CEP350: variants seen among roughly 807,000 people sequenced by gnomAD.
The protein encoded by CEP350 is centrosome-associated protein 350.
CEP350 carries 126 observed loss-of-function variants against 331.8 expected under a neutral mutation model. That is an observed-to-expected ratio of 0.38 (90% CI 0.33 to 0.44). The LOEUF (loss-of-function observed/expected upper bound fraction) is 0.44, where lower values mean the gene tolerates loss of function less well. CEP350 is among the 20% of genes least tolerant of loss of function. The probability of loss-of-function intolerance (pLI) is 1.00; values close to 1 mark genes in which losing one functional copy is unlikely to be tolerated. For missense variants in CEP350, 3,406 were observed against 3,634.6 expected (o/e 0.94, Z 1.62); for synonymous variants, 1,200 against 1,259.5 (o/e 0.95, Z 1.00).
chr1:179,991,197 C>G (rs1356464171), intron 4 of CEP350, among the ~76,000 whole-genome samples: 1 of 150,508 alleles, frequency 6.6e-6, no homozygotes, highest in East Asian at 1.9e-4. Context: ...GTATATTTTT[C>G]TTGGGATTTA....
In CEP350 at chr1:179,996,942, C is replaced by T; in HGVS notation, c.785C>T (p.Thr262Ile). 1 of 1,614,028 alleles carries T rather than the reference C, an allele frequency of 6.2e-7. No individual in the cohort carries two copies. Among genetic ancestry groups the T allele is most frequent in the Non-Finnish European group, 8.5e-7 (1 of 1,179,890 alleles). The change falls in exon 6 of 38, where the codon ACT (threonine) becomes ATT (isoleucine). Residue 262 changes from threonine to isoleucine, a missense_variant. By Grantham distance (89) the Thr-to-Ile change is moderately conservative. Transcript: ENST00000367607. ...LRLTDSSPSS[T>I]STSNSQRLDI... Reference sequence around the variant, plus strand: ...CTAACTGACTCTTCTCCATCCTCTACTAGTACTTCTAATTCCCAAAGATTA... The same window carrying T: ...CTAACTGACTCTTCTCCATCCTCTATTAGTACTTCTAATTCCCAAAGATTA...
chr1:180,078,761 C>T (rs1659388041), intron 29 of CEP350, 87 bp downstream of exon 29: 1 of 1,102,812 alleles, frequency 9.1e-7, no homozygotes, highest in Admixed American at 2.4e-5. Context: ...TAATTAATGA[C>T]AGTGTTAACT....
At chr1:180,080,465 A>G in intron 29 of CEP350, 52 bp from the exon 30 acceptor site, 1 of 1,537,826 alleles carries the variant, frequency 6.5e-7, no homozygotes. Context: ...TTTAAATAGA[A>G]TTTTACAATT....
At chr1:180,039,326 A>C in intron 17 of CEP350, among the ~76,000 whole-genome samples, 2 of 151,340 alleles carry the variant, frequency 1.3e-5, no homozygotes, top group African/African-American at 2.4e-5. Flanking sequence ...ATAGGAGGGA[A>C]CGGAAAGAAA....
intron 6 of CEP350, among the ~76,000 whole-genome samples, chr1:179,998,355 C>T (rs1653625276): frequency 6.9e-6 from 1 of 144,060 alleles, no homozygotes; most frequent in Non-Finnish European, 1.5e-5. Context: ...GTCGCCCAGG[C>T]TGGAGTGCAG....
chr1:180,070,932 G>A (rs774076021), intron 27 of CEP350, among the ~76,000 whole-genome samples: 1 of 150,932 alleles, frequency 6.6e-6, no homozygotes, highest in East Asian at 2.0e-4. Context: ...GGCAGAACAC[G>A]AGGTCAGGAG....
At chr1:180,108,199 C>T (rs1466935487) in intron 37 of CEP350, among the ~76,000 whole-genome samples, 3 of 151,754 alleles carry the variant, frequency 2.0e-5, no homozygotes, top group Non-Finnish European at 2.9e-5. Flanking sequence ...TCAGTGGGGG[C>T]TGCATTGAGG....
rs527530756 is a variant in CEP350 at position 179,982,229 on chromosome 1, A to G, written c.-13-3940A>G. On this transcript the variant is annotated intron_variant, in intron 1 of 37. Transcript: ENST00000367607. ...TTCAGCCACCTCTCTAGCCACTTCA[A>G]GGGTGATGACTATCCTCACTTCTAG... Among the ~76,000 whole-genome samples the G allele has an allele frequency of 8.5e-5, 13 of 152,298 alleles. No homozygotes were observed. The East Asian group carries it at 2.5e-3, about 29-fold the overall frequency.
chr1:179,994,213 G>T (rs964447641), intron 5 of CEP350, among the ~76,000 whole-genome samples: 1 of 150,850 alleles, frequency 6.6e-6, no homozygotes, highest in Non-Finnish European at 1.5e-5. Flanking sequence ...ATTACTTTTT[G>T]TTGGGGGGGT....
At chr1:180,060,201 A>G (rs865773852) in intron 25 of CEP350, among the ~76,000 whole-genome samples, 3 of 152,248 alleles carry the variant, frequency 2.0e-5, no homozygotes, top group African/African-American at 4.8e-5. Context: ...GTCCCCTAAC[A>G]GGGTCTCAAG....
At chr1:179,984,130 T>A (rs1211717830) in intron 1 of CEP350, among the ~76,000 whole-genome samples, 2 of 152,214 alleles carry the variant, frequency 1.3e-5, no homozygotes, top group African/African-American at 4.8e-5. Context: ...GGTAACCAAA[T>A]AAGCAGAAAT....
rs373384871 is a variant in CEP350 at position 180,015,294 on chromosome 1, C to T, written c.2053-555C>T. On this transcript the variant is annotated intron_variant, in intron 10 of 37. Coordinates refer to ENST00000367607, the MANE Select transcript of CEP350 (RefSeq NM_014810.5). ...TGTCGCCCAGGCTGGAGTGCAGTGG[C>T]GCGATCTCGGCTCACTGCAGGCTCC... Among the ~76,000 whole-genome samples the T allele has an allele frequency of 2.0e-4, 31 of 151,964 alleles. No individual in the cohort carries two copies. In the South Asian group the frequency reaches 5.8e-3, roughly 29 times the overall value.
chr1:180,051,004 A>G (rs1657464044), intron 22 of CEP350, among the ~76,000 whole-genome samples: 1 of 152,194 alleles, frequency 6.6e-6, no homozygotes, highest in African/African-American at 2.4e-5. Context: ...AGACTTAACC[A>G]TACAATCCAG....
intron 35 of CEP350, 23 bp from the exon 36 acceptor site, chr1:180,096,015 T>C (rs1189919239): frequency 6.5e-7 from 1 of 1,544,654 alleles, no homozygotes; most frequent in Non-Finnish European, 8.7e-7. Flanking sequence ...TTGTTTTGTT[T>C]TGTTTTGTTT....
At chr1:180,028,131 A>G (rs1413272114) in intron 14 of CEP350, among the ~76,000 whole-genome samples, 2 of 152,218 alleles carry the variant, frequency 1.3e-5, no homozygotes, top group South Asian at 2.1e-4. Context: ...AAAGAGCTCC[A>G]TGGTTCCAGA....
intron 3 of CEP350, 70 bp from the exon 4 acceptor site, chr1:179,990,437 C>T (rs1286419218): frequency 7.0e-6 from 5 of 718,004 alleles, no homozygotes; most frequent in Non-Finnish European, 1.1e-5. Flanking sequence ...TTTAAATAAC[C>T]ATGTAAATTG....
intron 11 of CEP350, among the ~76,000 whole-genome samples, chr1:180,018,631 G>A (rs1191280562): frequency 6.6e-6 from 1 of 152,056 alleles, no homozygotes; most frequent in Admixed American, 6.6e-5. Context: ...CCCTTCAGAT[G>A]ACTTATTTTA....
intron 28 of CEP350, among the ~76,000 whole-genome samples, chr1:180,075,435 A>AC (rs1659156098): frequency 6.6e-6 from 1 of 151,722 alleles, no homozygotes; most frequent in East Asian, 1.9e-4. Flanking sequence ...AAAATTAAAA[A>AC]ATTAGCTGGG....
At chr1:179,997,744 A>G (rs1177124245) in intron 6 of CEP350, among the ~76,000 whole-genome samples, 1 of 152,150 alleles carries the variant, frequency 6.6e-6, no homozygotes, top group Non-Finnish European at 1.5e-5. Flanking sequence ...TACTATTTTC[A>G]AAGAACTGAA....
Sources: allele counts gnomAD v4.1 joint callset (sites outside exome capture counted in the v4.1 genomes callset), GRCh38; gene constraint gnomAD v4.1.1; transcripts MANE v1.5; gene names NCBI Gene and HGNC (gene_info 2026-07-23, HGNC 2026-07-21).